The following SDK1 variants were observed in gnomAD, a reference collection of about 807,000 sequenced individuals.
SDK1 encodes the protein sidekick cell adhesion molecule 1, also known as protein sidekick-1.
Under a neutral mutation model 245.5 loss-of-function variants are expected in SDK1, and 157 were observed. That is an observed-to-expected ratio of 0.64 (90% CI 0.56 to 0.73). SDK1 has a LOEUF of 0.73. SDK1 is among the 30% of genes least tolerant of loss of function. The pLI is 0.00. For synonymous variants in SDK1, 1,647 were observed against 1,278.5 expected, an observed-to-expected ratio of 1.29 and a Z score of -6.15; for missense variants, 3,583 against 3,002.3, an observed-to-expected ratio of 1.19 and a Z score of -4.52.
intron 5 of SDK1, among the ~76,000 whole-genome samples, chr7:3,872,967 A>C (rs1780993204): frequency 6.6e-6 from 1 of 152,178 alleles, no homozygotes; most frequent in Non-Finnish European, 1.5e-5. Flanking sequence ...AGCTTTAACC[A>C]GTCAGTAATC....
At chr7:3,581,550 A>G (rs142811824) in intron 1 of SDK1, among the ~76,000 whole-genome samples, 2 of 152,274 alleles carry the variant, frequency 1.3e-5, no homozygotes, top group Non-Finnish European at 2.9e-5. Flanking sequence ...CGTTGTGGGG[A>G]GGGTAAATTA....
intron 30 of SDK1, among the ~76,000 whole-genome samples, chr7:4,151,396 G>A (rs1196762451): frequency 6.6e-6 from 1 of 152,224 alleles, no homozygotes; most frequent in Non-Finnish European, 1.5e-5. Flanking sequence ...CAAGGCCAGA[G>A]CCATTGCCTG....
intron 17 of SDK1, among the ~76,000 whole-genome samples, chr7:4,023,293 G>A (rs1018782125): frequency 6.6e-6 from 1 of 151,902 alleles, no homozygotes; most frequent in Non-Finnish European, 1.5e-5. Context: ...TTTATTAACG[G>A]TGACTCCATG....
intron 4 of SDK1, among the ~76,000 whole-genome samples, chr7:3,770,020 A>G (rs990335187): frequency 2.0e-5 from 3 of 151,568 alleles, no homozygotes; most frequent in Non-Finnish European, 4.4e-5. Context: ...TATCCCTACT[A>G]CAGTCTCCAT....
intron 5 of SDK1, among the ~76,000 whole-genome samples, chr7:3,834,280 G>A (rs1464706285): frequency 1.3e-5 from 2 of 152,170 alleles, no homozygotes; most frequent in Admixed American, 6.5e-5. Flanking sequence ...CAGGCATTAC[G>A]CTTGATGCCG....
At chr7:3,656,849 A>G (rs1229061796) in intron 4 of SDK1, among the ~76,000 whole-genome samples, 2 of 150,164 alleles carry the variant, frequency 1.3e-5, no homozygotes, top group African/African-American at 4.9e-5. Flanking sequence ...CCGGGTTCAC[A>G]CCATTCTCCT....
At position 3,855,412 on chromosome 7, in the gene SDK1, G is replaced by A. The variant is rs1294741759; in HGVS notation, c.847+33829G>A. ...TTTAGGAGAGGTGCAAGAACATATT[G>A]CATCCATTAGAAATGGATGAACCTG... is the stretch of plus-strand genomic sequence containing the variant. On this transcript the variant is annotated intron_variant, in intron 5 of 44. Coordinates refer to ENST00000404826, the MANE Select transcript of SDK1 (RefSeq NM_152744.4). 2.0e-5 allele frequency among the ~76,000 whole-genome samples: 3 copies of A among 152,214 alleles called. No individual in the cohort carries two copies. The South Asian group carries it at 6.2e-4, about 32-fold the overall frequency.
chr7:3,578,867 C>G (rs551586873), intron 1 of SDK1, among the ~76,000 whole-genome samples: 1 of 151,962 alleles, frequency 6.6e-6, no homozygotes, highest in South Asian at 2.1e-4. Flanking sequence ...ACATGTTTTA[C>G]AATCATTTTA....
chr7:3,842,633 T>C (rs1780186911), intron 5 of SDK1, among the ~76,000 whole-genome samples: 2 of 152,086 alleles, frequency 1.3e-5, no homozygotes, highest in South Asian at 4.1e-4. Context: ...CAGTGGACAG[T>C]TGTGACGAAC....
intron 4 of SDK1, among the ~76,000 whole-genome samples, chr7:3,735,691 G>T (rs994157039): frequency 5.9e-5 from 9 of 152,150 alleles, no homozygotes; most frequent in Non-Finnish European, 1.3e-4. Context: ...GAGAAGTATT[G>T]TTAGATCATA....
At chr7:3,719,171 A>C (rs1169181110) in intron 4 of SDK1, among the ~76,000 whole-genome samples, 1 of 152,088 alleles carries the variant, frequency 6.6e-6, no homozygotes, top group East Asian at 1.9e-4. Flanking sequence ...GAAATTTACA[A>C]AATGCTGAGA....
At chr7:3,608,787 G>C (rs918082616) in intron 1 of SDK1, among the ~76,000 whole-genome samples, 2 of 152,212 alleles carry the variant, frequency 1.3e-5, no homozygotes, top group Non-Finnish European at 1.5e-5. Context: ...CGGTTTCAGA[G>C]TCCGCGTTGC....
intron 5 of SDK1, among the ~76,000 whole-genome samples, chr7:3,853,248 G>A (rs1562491467): frequency 6.6e-6 from 1 of 152,064 alleles, no homozygotes; most frequent in African/African-American, 2.4e-5. Context: ...GCTCAGCCTC[G>A]ACTTGGACAT....
chr7:4,151,413 C>G (rs888824494), intron 30 of SDK1, among the ~76,000 whole-genome samples: 4 of 152,204 alleles, frequency 2.6e-5, no homozygotes, highest in Non-Finnish European at 5.9e-5. Context: ...CCTGGCTTCC[C>G]CTCTTACAGG....
chr7:4,106,077 C>T (rs996091688), intron 22 of SDK1, among the ~76,000 whole-genome samples: 9 of 152,230 alleles, frequency 5.9e-5, no homozygotes, highest in Admixed American at 4.6e-4. Context: ...CAGTGGTCCA[C>T]CCTTTTCCCA....
chr7:4,065,553 C>G (rs1160722599), intron 19 of SDK1, among the ~76,000 whole-genome samples: 1 of 152,118 alleles, frequency 6.6e-6, no homozygotes, highest in Admixed American at 6.5e-5. Flanking sequence ...TTTCTGGAGG[C>G]TCACAATTGT....
rs534699599 is a variant in SDK1 at position 4,087,875 on chromosome 7, A to G, written c.3324+8291A>G. Among the ~76,000 whole-genome samples, 120 of 152,272 alleles carry G rather than the reference A, an allele frequency of 7.9e-4. 1 individual carries two copies. In the South Asian group the frequency reaches 0.023, roughly 29 times the overall value. ...TAGTACCATCTGCAAGGTTGTCATG[A>G]GGATTAACTCACGTATGGCTATTTT... On this transcript the variant is annotated intron_variant, in intron 22 of 44. Transcript: ENST00000404826.
chr7:3,334,673 TTC>T (rs1199825131), intron 1 of SDK1, among the ~76,000 whole-genome samples: 6 of 152,142 alleles, frequency 3.9e-5, no homozygotes, highest in African/African-American at 1.4e-4. Flanking sequence ...TGGCAGCTCA[TTC>T]TGTTCCCTTC....
intron 4 of SDK1, among the ~76,000 whole-genome samples, chr7:3,769,735 G>T (rs1364908485): frequency 6.6e-6 from 1 of 151,928 alleles, no homozygotes; most frequent in Admixed American, 6.6e-5. Flanking sequence ...TGCCTTCTAT[G>T]GTAGGTTAGG....
Sources: gnomAD v4.1 joint callset for allele counts (sites outside exome capture counted in the v4.1 genomes callset) on GRCh38, gnomAD v4.1.1 for gene constraint, MANE v1.5 for transcripts, NCBI Gene and HGNC (gene_info 2026-07-23, HGNC 2026-07-21) for gene names.